The following EML6 variants were observed in gnomAD, a reference collection of about 807,000 sequenced individuals.
The protein encoded by EML6 is EMAP like 6.
EML6 carries 154 observed loss-of-function variants against 240.1 expected under a neutral mutation model. That is an observed-to-expected ratio of 0.64 (90% confidence interval 0.56 to 0.73). The LOEUF is 0.73. Among genes scored for constraint, EML6 ranks in the 30% least tolerant of loss-of-function variants. The pLI is 0.00. For synonymous variants in EML6, 1,148 were observed against 899.0 expected (o/e 1.28, Z -4.95); for missense variants, 2,964 against 2,474.6 (o/e 1.20, Z -4.20).
chr2:54,793,893 A>T (rs761550026), intron 2 of EML6, among the ~76,000 whole-genome samples: 14 of 152,098 alleles, frequency 9.2e-5, no homozygotes, highest in Non-Finnish European at 1.5e-4. Context: ...GCCCCTCAAT[A>T]GCCTACTAGG....
At chr2:54,963,630 A>G (rs1676623089) in intron 36 of EML6, among the ~76,000 whole-genome samples, 4 of 152,230 alleles carry the variant, frequency 2.6e-5, no homozygotes, top group Admixed American at 2.0e-4. Flanking sequence ...GCCTGTTTCT[A>G]CAAGTCCAGC....
At chr2:54,966,098 C>G (rs1676734087) in intron 38 of EML6, among the ~76,000 whole-genome samples, 3 of 152,212 alleles carry the variant, frequency 2.0e-5, no homozygotes, top group Non-Finnish European at 1.5e-5. Flanking sequence ...CTTCCTGGAG[C>G]TTGCTCTATA....
chr2:54,835,985 G>A (rs1337869431), intron 7 of EML6, among the ~76,000 whole-genome samples: 2 of 152,130 alleles, frequency 1.3e-5, no homozygotes. Flanking sequence ...CCAGTCCCGC[G>A]GGCGGCTCCA....
chr2:54,825,824 C>G (rs1213020438), intron 5 of EML6, among the ~76,000 whole-genome samples: 2 of 152,110 alleles, frequency 1.3e-5, no homozygotes, highest in African/African-American at 4.8e-5. Flanking sequence ...CTCTAGTACC[C>G]AACTACTCTG....
At chr2:54,930,242 A>G (rs1674781404) in intron 28 of EML6, among the ~76,000 whole-genome samples, 1 of 152,198 alleles carries the variant, frequency 6.6e-6, no homozygotes, top group Non-Finnish European at 1.5e-5. Context: ...CCACCAAAAT[A>G]TAATCATTTA....
intron 7 of EML6, among the ~76,000 whole-genome samples, chr2:54,834,839 T>A (rs1300055751): frequency 6.6e-6 from 1 of 152,232 alleles, no homozygotes; most frequent in Non-Finnish European, 1.5e-5. Context: ...CATAGAATAT[T>A]GCAGTTGCTT....
chr2:54,893,839 G>T (rs991523984), intron 19 of EML6, among the ~76,000 whole-genome samples: 4 of 151,934 alleles, frequency 2.6e-5, no homozygotes, highest in African/African-American at 9.7e-5. Flanking sequence ...CAAAGGTGTT[G>T]TTTTGTTTTG....
intron 2 of EML6, among the ~76,000 whole-genome samples, chr2:54,785,221 A>G (rs1231895573): frequency 7.2e-6 from 1 of 139,276 alleles, no homozygotes; most frequent in Non-Finnish European, 1.5e-5. Flanking sequence ...TGTTGCCCAG[A>G]CTGGAGTGCA....
At chr2:54,942,899 C>G (rs1324972775) in intron 28 of EML6, among the ~76,000 whole-genome samples, 2 of 152,208 alleles carry the variant, frequency 1.3e-5, no homozygotes, top group East Asian at 3.8e-4. Context: ...CCTGGCCTCA[C>G]TTTTTGTGCC....
At chr2:54,758,936 T>G (rs1290932726) in intron 2 of EML6, among the ~76,000 whole-genome samples, 1 of 91,750 alleles carries the variant, frequency 1.1e-5, no homozygotes, top group East Asian at 2.5e-4. Flanking sequence ...GTTGCCTTTT[T>G]GAGCTATAGA....
In EML6 at chr2:54,792,926, T is replaced by C. The variant is rs536609916; in HGVS notation, c.198-20306T>C. ...TATAAAAAGCAAAAAAAAGAAATGA[T>C]TTTTAAAGTTATAGCATCTGAGCTT... On this transcript the variant is annotated intron_variant, in intron 2 of 41. Transcript: ENST00000356458. 2.0e-5 allele frequency among the ~76,000 whole-genome samples: 3 copies of C among 152,310 alleles called. No individual in the cohort carries two copies. The South Asian group carries it at 6.2e-4, about 32-fold the overall frequency.
At chr2:54,792,006 T>A (rs186578660) in intron 2 of EML6, among the ~76,000 whole-genome samples, 1 of 152,254 alleles carries the variant, frequency 6.6e-6, no homozygotes, top group Non-Finnish European at 1.5e-5. Context: ...GCAAGCTCTT[T>A]AGAAGCTTCC....
chr2:54,897,091 A>G (rs529172067), intron 21 of EML6, among the ~76,000 whole-genome samples: 1 of 152,066 alleles, frequency 6.6e-6, no homozygotes, highest in South Asian at 2.1e-4. Context: ...AAAAGTATTT[A>G]TTTACTTTTT....
chr2:54,812,468 C>T (rs1176451953), intron 2 of EML6, among the ~76,000 whole-genome samples: 3 of 151,732 alleles, frequency 2.0e-5, no homozygotes, highest in East Asian at 1.9e-4. Flanking sequence ...TGATTCCCAA[C>T]GTCTGTTTTT....
At chr2:54,806,600 T>A in intron 2 of EML6, among the ~76,000 whole-genome samples, 2 of 86,092 alleles carry the variant, frequency 2.3e-5, no homozygotes, top group East Asian at 8.1e-4. Context: ...GCAACAAGAG[T>A]GACTCCGTCT....
At chr2:54,944,557 C>G (rs774935072) in intron 28 of EML6, among the ~76,000 whole-genome samples, 1 of 152,244 alleles carries the variant, frequency 6.6e-6, no homozygotes. Context: ...TTTACGCCAC[C>G]CTTTGTACTC....
At chr2:54,842,707 T>C (rs1282420752) in intron 7 of EML6, among the ~76,000 whole-genome samples, 1 of 152,170 alleles carries the variant, frequency 6.6e-6, no homozygotes, top group South Asian at 2.1e-4. Flanking sequence ...CCTAAACAAA[T>C]AACAAACCCA....
rs115608767 is a variant in EML6 at position 54,864,048 on chromosome 2, C to T, written c.1932+159C>T. On this transcript the variant is annotated intron_variant, in intron 13 of 41. Transcript: ENST00000356458. ...TGTGCCTTTAAGTGCAGGTTAAAACCGACGTGTTTACCCAATCATACCATT... is the reference window on the plus strand; with the variant it reads ...TGTGCCTTTAAGTGCAGGTTAAAACTGACGTGTTTACCCAATCATACCATT... 5.4e-3 allele frequency among the ~76,000 whole-genome samples: 816 copies of T among 152,158 alleles called. 6 individuals are homozygous for T. Among genetic ancestry groups the T allele is most frequent in the Admixed American group, 8.2e-3 (126 of 15,290 alleles).
intron 11 of EML6, among the ~76,000 whole-genome samples, chr2:54,857,303 G>T (rs1390669980): frequency 7.9e-5 from 12 of 152,274 alleles, no homozygotes; most frequent in Admixed American, 7.8e-4. Context: ...CATGGGGGAG[G>T]AGGTTGATAG....
Sources: gnomAD v4.1 joint callset for allele counts (sites outside exome capture counted in the v4.1 genomes callset) on GRCh38, gnomAD v4.1.1 for gene constraint, MANE v1.5 for transcripts, NCBI Gene and HGNC (gene_info 2026-07-23, HGNC 2026-07-21) for gene names.